Variants in KDM1A observed in about 807,000 individuals in gnomAD.
KDM1A encodes lysine demethylase 1A, also known as lysine-specific histone demethylase 1A.
Under a neutral mutation model 109.4 loss-of-function variants are expected in KDM1A, and 49 were observed. That is an observed-to-expected ratio of 0.45 (90% CI 0.36 to 0.57). The LOEUF is 0.57. Among genes scored for constraint, KDM1A ranks in the 20% least tolerant of loss-of-function variants. The pLI, the probability that KDM1A is intolerant of heterozygous loss-of-function variation, is 0.00. For missense variants in KDM1A, 668 were observed against 1,116.6 expected, an observed-to-expected ratio of 0.60 and a Z score of 5.73; for synonymous variants, 380 against 415.4, an observed-to-expected ratio of 0.91 and a Z score of 1.04.
chr1:23,032,503 T>TC (rs1441052227), intron 2 of KDM1A, among the ~76,000 whole-genome samples: 1 of 124,710 alleles, frequency 8.0e-6, no homozygotes, highest in Admixed American at 7.5e-5. Context: ...TTATCTTTGT[T>TC]TTTGGGGGGA....
chr1:23,065,711 TTTGA>T (rs1156333099), intron 9 of KDM1A, among the ~76,000 whole-genome samples: 1 of 152,182 alleles, frequency 6.6e-6, no homozygotes, highest in Non-Finnish European at 1.5e-5. Flanking sequence ...TTTTTGTTTG[TTTGA>T]TTTTGTTGTT....
At chr1:23,081,375 G>A (rs1643616887) in intron 18 of KDM1A, 71 bp from the exon 19 acceptor site, 2 of 1,559,628 alleles carry the variant, frequency 1.3e-6, no homozygotes, top group Admixed American at 3.4e-5. Flanking sequence ...GGAATAAGGT[G>A]GGGCCTGATA....
chr1:23,060,760 G>T (rs1174454822), intron 9 of KDM1A, among the ~76,000 whole-genome samples: 2 of 152,152 alleles, frequency 1.3e-5, no homozygotes, highest in African/African-American at 2.4e-5. Flanking sequence ...TGTGGTGGTG[G>T]ATGTTACTTG....
intron 20 of KDM1A, chr1:23,082,574 G>C (rs1316420641): frequency 2.1e-6 from 1 of 472,618 alleles, no homozygotes; most frequent in Non-Finnish European, 3.7e-6. Context: ...CAGAATGGAG[G>C]AGTCCAGAGT....
At position 23,024,880 on chromosome 1, in the gene KDM1A, G is replaced by A. The variant is rs562789682; in HGVS notation, c.351+4933G>A. ...GCAGTGTTTGGCGTATAATTAGTAG[G>A]TGACCAGTAATTAAGATACTACCAG... is the stretch of plus-strand genomic sequence containing the variant. On this transcript the variant is annotated intron_variant, in intron 1 of 20. Coordinates refer to ENST00000400181, the MANE Select transcript of KDM1A (RefSeq NM_001009999.3). Among the ~76,000 whole-genome samples the A allele has an allele frequency of 1.5e-4, 23 of 152,324 alleles. No individual in the cohort carries two copies. In the South Asian group the frequency reaches 4.4e-3, roughly 29 times the overall value.
intron 2 of KDM1A, among the ~76,000 whole-genome samples, chr1:23,031,943 T>C (rs1641994468): frequency 6.6e-6 from 1 of 152,222 alleles, no homozygotes; most frequent in African/African-American, 2.4e-5. Flanking sequence ...CAAATGTAGC[T>C]GCCTTTTTAC....
intron 1 of KDM1A, among the ~76,000 whole-genome samples, chr1:23,029,494 C>T (rs911535680): frequency 6.6e-6 from 1 of 152,286 alleles, no homozygotes; most frequent in South Asian, 2.1e-4. Context: ...CTGTCTTACA[C>T]TCCTTTACCC....
chr1:23,027,704 G>C (rs766661618), intron 1 of KDM1A, among the ~76,000 whole-genome samples: 1 of 149,190 alleles, frequency 6.7e-6, no homozygotes, highest in Non-Finnish European at 1.5e-5. Flanking sequence ...TTACAGGCTT[G>C]AGCCACCGCT....
At chr1:23,076,619 C>T (rs1643472089) in intron 15 of KDM1A, among the ~76,000 whole-genome samples, 1 of 152,086 alleles carries the variant, frequency 6.6e-6, no homozygotes, top group African/African-American at 2.4e-5. Flanking sequence ...CTACCACCTC[C>T]CTACCCTAAC....
At position 23,066,118 on chromosome 1, in the gene KDM1A, T is replaced by C. The variant is rs767729516; in HGVS notation, c.1179+47T>C. 7.4e-5 allele frequency: 96 copies of C among 1,292,744 alleles called. No individual in the cohort carries two copies. In the Middle Eastern group the frequency reaches 7.4e-4, roughly 10 times the overall value. The allele number at this position is 1,292,744 out of a possible 1,614,324, so 80.1% of individuals were successfully genotyped here. A position where few individuals can be genotyped will look rare whatever the true frequency, so the allele number is the denominator to read the frequency against. ...AAATCATTTTCCTCACTGTTTACAATAACCCATTAAAAGCTTGAAACCTAA... is the reference window on the plus strand; with the variant it reads ...AAATCATTTTCCTCACTGTTTACAACAACCCATTAAAAGCTTGAAACCTAA... On this transcript the variant is annotated intron_variant, in intron 10 of 20. Transcript: ENST00000400181.
chr1:23,045,404 A>G (rs553014533), intron 3 of KDM1A, among the ~76,000 whole-genome samples: 1 of 152,348 alleles, frequency 6.6e-6, no homozygotes, highest in South Asian at 2.1e-4. Context: ...TTGTTAATAC[A>G]GCAATTAGTA....
rs1643339796 is a variant in KDM1A at position 23,072,180 on chromosome 1, G to C, written c.1605G>C (p.Leu535Phe). The change falls in exon 14 of 21, where the codon TTG becomes TTC. Residue 535 changes from leucine to phenylalanine, a missense_variant. By Grantham distance (22) the Leu-to-Phe change is conservative (BLOSUM62 0). Transcript: ENST00000400181. ...AGCTAGAAGAAAAACTTCAGGAGTTGGAAGCGAATCCCCCAAGGTAAGGAA... is the reference window on the plus strand; with the variant it reads ...AGCTAGAAGAAAAACTTCAGGAGTTCGAAGCGAATCCCCCAAGGTAAGGAA... The part of the protein sequence containing the change: ...QGKLEEKLQE[L>F]EANPPSDVYL... 1.2e-6 allele frequency: 2 copies of C among 1,610,546 alleles called. No individual in the cohort carries two copies. Among genetic ancestry groups the C allele is most frequent in the Admixed American group, 3.3e-5 (2 of 59,790 alleles).
At chr1:23,033,951 T>G (rs1307494464) in intron 2 of KDM1A, among the ~76,000 whole-genome samples, 1 of 152,174 alleles carries the variant, frequency 6.6e-6, no homozygotes, top group Non-Finnish European at 1.5e-5. Context: ...AGGCTATTGG[T>G]CAATGGAAAA....
chr1:23,039,197 T>C (rs1346644207), intron 2 of KDM1A, among the ~76,000 whole-genome samples: 1 of 152,208 alleles, frequency 6.6e-6, no homozygotes, highest in Non-Finnish European at 1.5e-5. Context: ...TTAGCCAGTC[T>C]CCCAAATTTC....
intron 1 of KDM1A, among the ~76,000 whole-genome samples, chr1:23,026,919 G>A (rs544021810): frequency 6.6e-6 from 1 of 152,296 alleles, no homozygotes; most frequent in South Asian, 2.1e-4. Context: ...ACTTAGGGAT[G>A]AGAGAGTCCC....
chr1:23,061,283 A>C (rs1409747678), intron 9 of KDM1A, among the ~76,000 whole-genome samples: 1 of 152,156 alleles, frequency 6.6e-6, no homozygotes, highest in African/African-American at 2.4e-5. Flanking sequence ...CAAAACTCTC[A>C]GTGAAGAAAG....
intron 2 of KDM1A, among the ~76,000 whole-genome samples, chr1:23,038,297 T>C (rs1040534629): frequency 6.6e-6 from 1 of 150,988 alleles, no homozygotes; most frequent in Non-Finnish European, 1.5e-5. Context: ...TGTGTAAAAC[T>C]TAAATCTTGA....
chr1:23,034,779 C>G (rs933416192), intron 2 of KDM1A, among the ~76,000 whole-genome samples: 2 of 152,152 alleles, frequency 1.3e-5, no homozygotes, highest in African/African-American at 4.8e-5. Context: ...TTGTACATAG[C>G]CTGAGACTTT....
chr1:23,028,793 A>G (rs1641888683), intron 1 of KDM1A, among the ~76,000 whole-genome samples: 1 of 152,032 alleles, frequency 6.6e-6, no homozygotes, highest in South Asian at 2.1e-4. Context: ...TTAGTATAAT[A>G]TCATCTACAT....
Sources: allele counts gnomAD v4.1 joint callset (sites outside exome capture counted in the v4.1 genomes callset), GRCh38; gene constraint gnomAD v4.1.1; transcripts MANE v1.5; gene names NCBI Gene and HGNC (gene_info 2026-07-23, HGNC 2026-07-21).